The following SCYL2 variants were observed in gnomAD, a reference collection of about 807,000 sequenced individuals.
The protein encoded by SCYL2 is SCY1-like protein 2.
SCYL2 carries 36 observed loss-of-function variants against 100.4 expected under a neutral mutation model. The observed-to-expected ratio is 0.36, with a 90% CI of 0.27 to 0.47. SCYL2 has a LOEUF of 0.47. Among genes scored for constraint, SCYL2 ranks in the 20% least tolerant of loss-of-function variants. The pLI, the probability that SCYL2 is intolerant of heterozygous loss-of-function variation, is 1.00. For synonymous variants in SCYL2, 330 were observed against 359.2 expected, an observed-to-expected ratio of 0.92 and a Z score of 0.92; for missense variants, 902 against 1,083.9, an observed-to-expected ratio of 0.83 and a Z score of 2.36.
At position 100,296,587 on chromosome 12, in the gene SCYL2, A is replaced by G. The variant is rs9668740; in HGVS notation, c.336-1444A>G. ...TGCTAACACTGGGGAATACAGAATA[A>G]AAAAGAAGATAAGGACAGAGAAGAA... On this transcript the variant is annotated intron_variant, in intron 3 of 17. Coordinates refer to ENST00000360820, the MANE Select transcript of SCYL2 (RefSeq NM_017988.6). Among the ~76,000 whole-genome samples, 1,357 of 152,306 alleles carry G rather than the reference A, an allele frequency of 8.9e-3. 15 individuals carry two copies. The highest frequency in any genetic ancestry group is 0.031 in the African/African-American group (1,289 of 41,550).
At chr12:100,323,427 C>G (rs541243201) in intron 10 of SCYL2, 98 bp from the exon 11 acceptor site, 73 of 707,296 alleles carry the variant, frequency 1.0e-4, no homozygotes, top group African/African-American at 9.3e-4. Flanking sequence ...TTGTTTCAAA[C>G]TATATGACAG....
chr12:100,281,076 G>C (rs988532974), intron 1 of SCYL2, among the ~76,000 whole-genome samples: 1 of 138,202 alleles, frequency 7.2e-6, no homozygotes, highest in East Asian at 2.3e-4. Context: ...TCACCCAGGC[G>C]GGAGTGCAGT....
intron 11 of SCYL2, 133 bp from the exon 12 acceptor site, chr12:100,326,489 G>T: frequency 1.6e-6 from 1 of 611,442 alleles, no homozygotes. Context: ...GTTGATAAAG[G>T]ATGAGAGCTT....
chr12:100,323,210 T>G (rs981765862), intron 10 of SCYL2, among the ~76,000 whole-genome samples: 1 of 152,166 alleles, frequency 6.6e-6, no homozygotes, highest in African/African-American at 2.4e-5. Context: ...TGTTGTTATT[T>G]AAAGATAAAC....
chr12:100,305,792 A>T (rs1229890761), intron 4 of SCYL2, among the ~76,000 whole-genome samples: 1 of 151,526 alleles, frequency 6.6e-6, no homozygotes, highest in Non-Finnish European at 1.5e-5. Flanking sequence ...AAGAGAGAAT[A>T]ATCAGACACA....
rs1376969500 is a variant in SCYL2 at position 100,340,200 on chromosome 12, C to T, written c.*1028C>T. 1 of 152,528 alleles carries T rather than the reference C, an allele frequency of 6.6e-6. No individual in the cohort carries two copies. The highest frequency in any genetic ancestry group is 6.5e-5 in the Admixed American group (1 of 15,276). The allele number at this position is 152,528 out of a possible 1,614,324, so 9.4% of individuals were successfully genotyped here. A position where few individuals can be genotyped will look rare whatever the true frequency, so the allele number is the denominator to read the frequency against. ...TCAGCTTGCCATGATAGTCTGACCT[C>T]ATTAATTACTGCTACTGAAGTTCAA... On this transcript the variant is annotated 3_prime_UTR_variant, in exon 18 of 18. Coordinates refer to ENST00000360820, the MANE Select transcript of SCYL2 (RefSeq NM_017988.6).
intron 11 of SCYL2, among the ~76,000 whole-genome samples, chr12:100,325,493 A>G (rs540221799): frequency 1.3e-5 from 2 of 152,314 alleles, no homozygotes; most frequent in East Asian, 3.9e-4. Context: ...GCTTCTGCCT[A>G]CCTTCAGAGT....
At chr12:100,301,720 C>T (rs2135877110) in intron 4 of SCYL2, among the ~76,000 whole-genome samples, 1 of 152,358 alleles carries the variant, frequency 6.6e-6, no homozygotes, top group Non-Finnish European at 1.5e-5. Context: ...AGAGCCTAGG[C>T]TTGGACTTGG....
chr12:100,268,495 C>G (rs2096282683), intron 1 of SCYL2, among the ~76,000 whole-genome samples: 1 of 152,004 alleles, frequency 6.6e-6, no homozygotes, highest in South Asian at 2.1e-4. Context: ...CTTCTTGAGG[C>G]AACATTAAAC....
chr12:100,329,442 C>G (rs1400509538), intron 13 of SCYL2, 123 bp downstream of exon 13: 1 of 523,272 alleles, frequency 1.9e-6, no homozygotes, highest in African/African-American at 1.9e-5. Context: ...TGCCACAGAA[C>G]TAAATGAAGA....
chr12:100,270,623 C>CTTTTTTTTTTTTTTTTTTTT (rs559329533), intron 1 of SCYL2, among the ~76,000 whole-genome samples: 1 of 125,704 alleles, frequency 8.0e-6, no homozygotes. Context: ...ATGTTGCTTT[C>CTTTTTTTTTTTTTTTTTTTT]TTTTTTTTTT....
intron 4 of SCYL2, among the ~76,000 whole-genome samples, chr12:100,302,014 C>T (rs991894601): frequency 6.6e-6 from 1 of 152,278 alleles, no homozygotes; most frequent in Non-Finnish European, 1.5e-5. Context: ...TTCAAGGCAG[C>T]GGGTCCCCTT....
chr12:100,301,844 C>A (rs1278032381), intron 4 of SCYL2, among the ~76,000 whole-genome samples: 1 of 152,206 alleles, frequency 6.6e-6, no homozygotes, highest in Non-Finnish European at 1.5e-5. Context: ...GGGAGTCTTT[C>A]ACCATAGCCA....
Position 100,338,714 on chromosome 12 carries a change from G to C in SCYL2, c.2332G>C (p.Gly778Arg). ...GACAAATGGCCTAAATGCCAATATG[G>C]GCTTTCAGACTTCAGGATTCAACAT... The part of the protein sequence containing the change: ...NLTNGLNANM[G>R]FQTSGFNMPV... Residue 778 changes from glycine to arginine, a missense_variant, in exon 18 of 18, where the codon GGC (glycine) becomes CGC (arginine). Transcript: ENST00000360820. The C allele has an allele frequency of 6.2e-7, 1 of 1,614,064 alleles. No individual in the cohort carries two copies. The highest frequency in any genetic ancestry group is 1.1e-5 in the South Asian group (1 of 91,074).
chr12:100,322,181 G>T (rs1449607400), intron 10 of SCYL2, among the ~76,000 whole-genome samples: 1 of 151,000 alleles, frequency 6.6e-6, no homozygotes, highest in Non-Finnish European at 1.5e-5. Flanking sequence ...GACCATCCTG[G>T]CTAACACAGT....
chr12:100,276,401 T>G (rs1400964208), intron 1 of SCYL2, among the ~76,000 whole-genome samples: 1 of 152,200 alleles, frequency 6.6e-6, no homozygotes, highest in Non-Finnish European at 1.5e-5. Flanking sequence ...GGCACAATCA[T>G]GGCTCACTGC....
rs545265351 is a variant in SCYL2, at chr12:100,272,612, C to T, written c.-29+4820C>T. On this transcript the variant is annotated intron_variant, in intron 1 of 17. Transcript: ENST00000360820. ...GAGTGTCATTCAGGCAGCTCAAATT[C>T]TACATGTCCAAGTTGAGTTCTTCCC... Among the ~76,000 whole-genome samples, 8 of 152,282 alleles carry T rather than the reference C, an allele frequency of 5.3e-5. No individual in the cohort carries two copies. In the South Asian group the frequency reaches 1.7e-3, roughly 32 times the overall value.
rs780510443 is a variant in SCYL2 at position 100,323,507 on chromosome 12, A to G, written c.1396-18A>G. 2.3e-5 allele frequency: 31 copies of G among 1,357,900 alleles called. No individual in the cohort carries two copies. In the Admixed American group the frequency reaches 5.6e-4, roughly 25 times the overall value. 84.1% of individuals were successfully genotyped at this position (1,357,900 alleles called of 1,614,324 possible). ...ATGAGTCTTTCCCTAATATTGATTC[A>G]GTTTATTTTCTTTATAGGAGCTCTG... On this transcript the variant is annotated intron_variant, in intron 10 of 17. Coordinates refer to ENST00000360820, the MANE Select transcript of SCYL2 (RefSeq NM_017988.6).
At chr12:100,291,920 A>G (rs1324370516) in intron 3 of SCYL2, 1 of 365,794 alleles carries the variant, frequency 2.7e-6, no homozygotes. Flanking sequence ...ACAATAGTCA[A>G]AATAGAACAT....
Sources: allele counts gnomAD v4.1 joint callset (sites outside exome capture counted in the v4.1 genomes callset), GRCh38; gene constraint gnomAD v4.1.1; transcripts MANE v1.5; gene names NCBI Gene and HGNC (gene_info 2026-07-23, HGNC 2026-07-21).